Variants in STAU1 observed in about 807,000 individuals in gnomAD.
STAU1 encodes the protein staufen double-stranded RNA binding protein 1.
Under a neutral mutation model 62.9 loss-of-function variants are expected in STAU1, and 13 were observed. That is an observed-to-expected ratio of 0.21 (90% CI 0.13 to 0.33). The LOEUF (loss-of-function observed/expected upper bound fraction) is 0.33. STAU1 is among the 10% of genes least tolerant of loss of function. STAU1 has a pLI of 1.00. For missense variants in STAU1, 571 were observed against 712.1 expected (o/e 0.80, Z 2.25); for synonymous variants, 269 against 265.1 (o/e 1.01, Z -0.14).
intron 3 of STAU1, among the ~76,000 whole-genome samples, chr20:49,155,746 T>C (rs1296727931): frequency 5.3e-5 from 8 of 152,260 alleles, no homozygotes; most frequent in Non-Finnish European, 1.2e-4. Flanking sequence ...AAAATTCATA[T>C]AATTGCATTT....
chr20:49,136,030 CAGG>C, intron 5 of STAU1, 99 bp from the exon 6 acceptor site: 1 of 897,832 alleles, frequency 1.1e-6, no homozygotes. Context: ...AAGGCTAAGG[CAGG>C]AGGATAGCTT....
In STAU1 at chr20:49,113,440, T is replaced by C. The variant is rs537064145; in HGVS notation, c.*1438A>G. ...TCACAAGCATTACAAAGTTTTTTTC[T>C]TAAAAATAAAAAAAGGATAGGGGCA... On this transcript the variant is annotated 3_prime_UTR_variant, in exon 14 of 14. Transcript: ENST00000371856. 2.6e-5 allele frequency: 4 copies of C among 152,524 alleles called. No homozygotes were observed. The South Asian group carries it at 6.2e-4, about 24-fold the overall frequency. The allele number at this position is 152,524 out of a possible 1,614,324, so 9.4% of individuals were successfully genotyped here.
At position 49,143,090 on chromosome 20, in the gene STAU1, C is replaced by T. The variant is rs536280712; in HGVS notation, c.511-7159G>A. On this transcript the variant is annotated intron_variant, in intron 5 of 13. Coordinates refer to ENST00000371856, the MANE Select transcript of STAU1 (RefSeq NM_017453.4). Reference sequence around the variant, plus strand: ...TACTGGAATTATAGGAGTGAGCCACCGTGCCTGGCTCATTAAAAATTTCCT... The same window carrying T: ...TACTGGAATTATAGGAGTGAGCCACTGTGCCTGGCTCATTAAAAATTTCCT... Among the ~76,000 whole-genome samples the T allele has an allele frequency of 2.0e-4, 31 of 152,226 alleles. No homozygotes were observed. In the South Asian group the frequency reaches 2.1e-3, roughly 10 times the overall value.
chr20:49,200,621 A>AACATGGAC, the STAU1 span, among the ~76,000 whole-genome samples: 1 of 151,654 alleles, frequency 6.6e-6, no homozygotes, highest in Non-Finnish European at 1.5e-5. Flanking sequence ...CAAACAAACA[A>AACATGGAC]ACAGGAGCTG....
chr20:49,149,321 T>G (rs1452709139), intron 5 of STAU1, among the ~76,000 whole-genome samples: 1 of 147,858 alleles, frequency 6.8e-6, no homozygotes, highest in African/African-American at 2.5e-5. Flanking sequence ...AGGGAGAGAC[T>G]GTCTCAAAAC....
intron 5 of STAU1, among the ~76,000 whole-genome samples, chr20:49,139,569 AC>A (rs1285920241): frequency 2.0e-5 from 3 of 151,850 alleles, no homozygotes; most frequent in African/African-American, 7.3e-5. Flanking sequence ...CACTAAAAAT[AC>A]AAAAAACTAG....
intron 5 of STAU1, among the ~76,000 whole-genome samples, chr20:49,149,235 G>A (rs920825123): frequency 1.9e-4 from 24 of 126,334 alleles, no homozygotes; most frequent in South Asian, 7.9e-4. Flanking sequence ...TGGGTGACAG[G>A]GAGAGACTGT....
chr20:49,130,809 G>A (rs2092732408), intron 6 of STAU1, among the ~76,000 whole-genome samples: 2 of 152,084 alleles, frequency 1.3e-5, no homozygotes, highest in African/African-American at 2.4e-5. Context: ...AGGCCAAGGT[G>A]CATGCCTAAT....
chr20:49,185,026 C>T (rs541016651), intron 1 of STAU1, among the ~76,000 whole-genome samples: 1 of 152,250 alleles, frequency 6.6e-6, no homozygotes, highest in South Asian at 2.1e-4. Context: ...AAAACGTGAA[C>T]ACTTATGCTG....
At chr20:49,184,105 A>C (rs537885883) in intron 1 of STAU1, among the ~76,000 whole-genome samples, 1 of 151,506 alleles carries the variant, frequency 6.6e-6, no homozygotes, top group East Asian at 1.9e-4. Context: ...AATTTTTTTT[A>C]TTTTTAGTAG....
intron 3 of STAU1, among the ~76,000 whole-genome samples, chr20:49,157,388 T>G (rs2093376941): frequency 6.6e-6 from 1 of 151,838 alleles, no homozygotes; most frequent in South Asian, 2.1e-4. Flanking sequence ...GGCACAATCA[T>G]AGCTCACTGC....
chr20:49,181,523 G>T (rs983463129), intron 1 of STAU1, among the ~76,000 whole-genome samples: 24 of 152,104 alleles, frequency 1.6e-4, no homozygotes, highest in Non-Finnish European at 2.8e-4. Flanking sequence ...CTATCACTTT[G>T]CGAGGCTAAG....
At chr20:49,209,518 T>C in the STAU1 span, among the ~76,000 whole-genome samples, 2 of 147,074 alleles carry the variant, frequency 1.4e-5, no homozygotes, top group African/African-American at 5.1e-5. Flanking sequence ...CCAAGTTGGG[T>C]GGATCACATG....
the STAU1 span, among the ~76,000 whole-genome samples, chr20:49,197,463 G>A: frequency 7.0e-4 from 104 of 149,004 alleles, no homozygotes; most frequent in Non-Finnish European, 1.4e-3. Context: ...GTGCAGTGGC[G>A]CGATCTCAGC....
chr20:49,145,782 C>A (rs1362265995), intron 5 of STAU1, among the ~76,000 whole-genome samples: 1 of 151,790 alleles, frequency 6.6e-6, no homozygotes, highest in Admixed American at 6.6e-5. Context: ...CCTGCAGTCC[C>A]AGATAATCAA....
At chr20:49,203,073 T>A in the STAU1 span, among the ~76,000 whole-genome samples, 1 of 151,708 alleles carries the variant, frequency 6.6e-6, no homozygotes, top group Non-Finnish European at 1.5e-5. Context: ...GAAATTAGAA[T>A]AAGATCAAAT....
chr20:49,123,357 AT>A, intron 7 of STAU1, 122 bp from the exon 8 acceptor site: 14 of 1,124,592 alleles, frequency 1.2e-5, no homozygotes, highest in Non-Finnish European at 1.7e-5. Context: ...TCAGAATTCG[AT>A]TTTTTTTAAT....
At chr20:49,148,280 C>A (rs774198368) in intron 5 of STAU1, among the ~76,000 whole-genome samples, 1 of 152,148 alleles carries the variant, frequency 6.6e-6, no homozygotes, top group African/African-American at 2.4e-5. Flanking sequence ...CCTCATGCAA[C>A]GTGTCGCAGT....
the STAU1 span, among the ~76,000 whole-genome samples, chr20:49,202,048 G>A: frequency 1.3e-5 from 2 of 151,002 alleles, no homozygotes; most frequent in African/African-American, 4.9e-5. Context: ...GTGAAACCCC[G>A]TCTCTACTAA....
Sources: allele counts gnomAD v4.1 joint callset (sites outside exome capture counted in the v4.1 genomes callset), GRCh38; gene constraint gnomAD v4.1.1; transcripts MANE v1.5; gene names NCBI Gene and HGNC (gene_info 2026-07-23, HGNC 2026-07-21).